NEDD9: variants seen among roughly 807,000 people sequenced by gnomAD.
NEDD9 encodes neural precursor cell expressed, developmentally down-regulated 9, also known as enhancer of filamentation 1.
A neutral mutation model predicts 76.6 loss-of-function variants in NEDD9; 26 were observed. The ratio of observed to expected loss-of-function variants is 0.34; its 90% CI spans 0.25 to 0.47. The LOEUF is 0.47. Among genes scored for constraint, NEDD9 ranks in the 20% least tolerant of loss-of-function variants. NEDD9 has a pLI of 1.00. For synonymous variants in NEDD9, 392 were observed against 414.2 expected, an observed-to-expected ratio of 0.95 and a Z score of 0.65; for missense variants, 937 against 1,058.5, an observed-to-expected ratio of 0.89 and a Z score of 1.59.
intron 3 of NEDD9, among the ~76,000 whole-genome samples, chr6:11,293,260 A>G (rs1040688925): frequency 3.3e-5 from 5 of 151,466 alleles, no homozygotes; most frequent in Non-Finnish European, 7.4e-5. Flanking sequence ...TTCATTTTGC[A>G]CAGGAGAAAT....
chr6:11,194,815 C>G (rs1480114898), intron 2 of NEDD9, among the ~76,000 whole-genome samples: 1 of 152,214 alleles, frequency 6.6e-6, no homozygotes, highest in Non-Finnish European at 1.5e-5. Context: ...TATCTACATA[C>G]TTCATTGGTG....
intron 1 of NEDD9, 148 bp downstream of exon 1, chr6:11,232,356 C>T (rs865988317): frequency 1.1e-5 from 10 of 898,410 alleles, no homozygotes; most frequent in Middle Eastern, 2.2e-4. Flanking sequence ...TGCTTGTCTG[C>T]TTGCATGTCA....
chr6:11,224,544 C>T (rs1176711410), intron 1 of NEDD9, among the ~76,000 whole-genome samples: 1 of 152,204 alleles, frequency 6.6e-6, no homozygotes, highest in African/African-American at 2.4e-5. Context: ...GACTGTACCA[C>T]AGGTCCACGA....
chr6:11,276,360 CGT>C (rs1289421259), intron 3 of NEDD9, among the ~76,000 whole-genome samples: 2 of 152,062 alleles, frequency 1.3e-5, no homozygotes, highest in African/African-American at 4.8e-5. Flanking sequence ...TGTGTGCATG[CGT>C]GTGTGTGCAC....
chr6:11,198,355 G>A lies in NEDD9; in HGVS notation c.460-4663C>T, dbSNP rs754189623. The A allele has an allele frequency of 4.6e-5, 7 of 152,214 alleles. No homozygotes were observed. Among genetic ancestry groups the A allele is most frequent in the South Asian group, 4.2e-4 (2 of 4,810 alleles). The allele number at this position is 152,214 out of a possible 1,614,324, so 9.4% of individuals were successfully genotyped here. On this transcript the variant is annotated intron_variant, in intron 2 of 6. Coordinates refer to ENST00000379446, the MANE Select transcript of NEDD9 (RefSeq NM_006403.4). This position sits in a 1 kb window ranked among gnomAD's most constrained non-coding sequence, Gnocchi z 4.7. The stretch of plus-strand genomic sequence containing the variant: ...AGGCTCTGCACCAACTCCCTCCCTC[G>A]GCGAGAACTGAGCTGTCCATTTCCA...
chr6:11,254,516 A>G (rs1323950801), intron 3 of NEDD9, among the ~76,000 whole-genome samples: 1 of 152,220 alleles, frequency 6.6e-6, no homozygotes, highest in Non-Finnish European at 1.5e-5. Flanking sequence ...GGGAACAGGT[A>G]GTTTTTGGTT....
At position 11,190,411 on chromosome 6, in the gene NEDD9, C is replaced by G; in HGVS notation, c.1458G>C (p.Lys486Asn). The change falls in exon 5 of 7, where the codon AAG becomes AAC. Residue 486 changes from lysine to asparagine, a missense_variant. Coordinates refer to ENST00000379446, the MANE Select transcript of NEDD9 (RefSeq NM_006403.4). The surrounding 1 kb of genome is among the most constrained non-coding windows in gnomAD (Gnocchi z 5.8). Reference sequence around the variant, plus strand: ...AGTCTTCAACTCGTTGCAGCTCCCGCTTCATCTTGTTGTGGAGGATGAGTT... The same window carrying G: ...AGTCTTCAACTCGTTGCAGCTCCCGGTTCATCTTGTTGTGGAGGATGAGTT... ...LPELILHNKMKRELQRVEDSH... is the reference protein window; with the variant it reads ...LPELILHNKMNRELQRVEDSH... 1 of 1,614,208 alleles carries G rather than the reference C, an allele frequency of 6.2e-7. No individual in the cohort carries two copies.
chr6:11,382,028 G>T (rs1169769441), intron 1 of NEDD9: 2 of 152,210 alleles, frequency 1.3e-5, no homozygotes, highest in African/African-American at 4.8e-5. Context: ...CCCAGTTGAG[G>T]AGTGTTCACA....
rs1757906531 is a variant in NEDD9 at position 11,183,611 on chromosome 6, T to C, written c.*1551A>G. On this transcript the variant is annotated 3_prime_UTR_variant, in exon 7 of 7. Coordinates refer to ENST00000379446, the MANE Select transcript of NEDD9 (RefSeq NM_006403.4). Reference sequence around the variant, plus strand: ...TTTGAGAATTATAATAGCAGTTGTTTTGAAAAGCACCTTCTATGATCATTT... The same window carrying C: ...TTTGAGAATTATAATAGCAGTTGTTCTGAAAAGCACCTTCTATGATCATTT... The C allele has an allele frequency of 1.3e-5, 2 of 152,230 alleles. No homozygotes were observed. Among genetic ancestry groups the C allele is most frequent in the Admixed American group, 1.3e-4 (2 of 15,280 alleles). 9.4% of individuals were successfully genotyped at this position (152,230 alleles called of 1,614,324 possible).
intron 1 of NEDD9, among the ~76,000 whole-genome samples, chr6:11,218,474 T>C (rs148483763): frequency 0.013 from 1,999 of 152,274 alleles, 17 homozygotes; most frequent in Non-Finnish European, 0.022. Context: ...GCTGTTTCCT[T>C]TCCCAGTTCT....
chr6:11,335,214 T>TGAAAAGTGGATTTTATACAAC (rs1044126100), intron 1 of NEDD9, among the ~76,000 whole-genome samples: 5 of 152,202 alleles, frequency 3.3e-5, no homozygotes, highest in African/African-American at 1.2e-4. Flanking sequence ...TGACATGCAA[T>TGAAAAGTGGATTTTATACAAC]GAAAAGTGGA....
intron 1 of NEDD9, among the ~76,000 whole-genome samples, chr6:11,230,159 A>C (rs762085987): frequency 2.0e-5 from 3 of 152,204 alleles, no homozygotes; most frequent in Non-Finnish European, 2.9e-5. Context: ...CATGCACTTC[A>C]TTTTGCTTTG....
Position 11,231,113 on chromosome 6 carries a change from G to T in NEDD9, c.12+1391C>A, listed in dbSNP as rs530251962. 2.6e-5 allele frequency among the ~76,000 whole-genome samples: 4 copies of T among 152,262 alleles called. No homozygotes were observed. In the East Asian group the frequency reaches 5.8e-4, roughly 22 times the overall value. On this transcript the variant is annotated intron_variant, in intron 1 of 6. Coordinates refer to ENST00000379446, the MANE Select transcript of NEDD9 (RefSeq NM_006403.4). ...ATCATTGTTCTAAATAAGGAAATAT[G>T]GGGTGAGCCACTTTAAGGAAGATAA...
intron 3 of NEDD9, among the ~76,000 whole-genome samples, chr6:11,293,431 T>G (rs1760821390): frequency 6.6e-6 from 1 of 152,228 alleles, no homozygotes; most frequent in Non-Finnish European, 1.5e-5. Context: ...TTAGATCTAC[T>G]GAGAGACATT....
At chr6:11,355,921 C>T (rs1480243232) in intron 1 of NEDD9, among the ~76,000 whole-genome samples, 1 of 152,074 alleles carries the variant, frequency 6.6e-6, no homozygotes, top group Non-Finnish European at 1.5e-5. Context: ...CGGGGTTTCA[C>T]CGTGTTAGCC....
intron 3 of NEDD9, among the ~76,000 whole-genome samples, chr6:11,263,881 G>A (rs1396084465): frequency 6.6e-6 from 1 of 152,180 alleles, no homozygotes. Context: ...AGTCAAGATA[G>A]AGACCATTTC....
intron 1 of NEDD9, among the ~76,000 whole-genome samples, chr6:11,345,980 A>T (rs533466664): frequency 2.0e-5 from 3 of 152,110 alleles, no homozygotes; most frequent in Admixed American, 2.0e-4. Context: ...ACCTCCAGGT[A>T]CTCTGCCCCC....
intron 6 of NEDD9, among the ~76,000 whole-genome samples, chr6:11,186,269 G>A (rs1489727991): frequency 1.3e-5 from 2 of 151,964 alleles, no homozygotes; most frequent in Non-Finnish European, 2.9e-5. Context: ...AGCACTTAAG[G>A]AAAAAAAGTT....
Position 11,333,211 on chromosome 6 carries a change from C to A in NEDD9, c.-153+1290G>T, listed in dbSNP as rs373518207. ...GAAAGTGAAATATATTGGGTTCCAT[C>A]CATGAGATTAAAAGAGGAACATCTT... On this transcript the variant is annotated intron_variant, in intron 2 of 3. Transcript: ENST00000397378. 7.9e-5 allele frequency among the ~76,000 whole-genome samples: 12 copies of A among 152,220 alleles called. 1 individual carries two copies. The East Asian group carries it at 1.7e-3, about 22-fold the overall frequency.
Sources: gnomAD v4.1 joint callset for allele counts (sites outside exome capture counted in the v4.1 genomes callset) on GRCh38, gnomAD v4.1.1 for gene constraint, Gnocchi (gnomAD v3.1) non-coding constraint, MANE v1.5 for transcripts, NCBI Gene and HGNC (gene_info 2026-07-23, HGNC 2026-07-21) for gene names.